The following IMMP2L variants were observed in gnomAD, a reference collection of about 807,000 sequenced individuals.
The protein encoded by IMMP2L is mitochondrial inner membrane protease subunit 2.
In IMMP2L, 18 loss-of-function variants were observed where a neutral mutation model predicts 19.3. The ratio of observed to expected loss-of-function variants is 0.93; its 90% CI spans 0.64 to 1.38. The LOEUF (loss-of-function observed/expected upper bound fraction) is 1.38. Ranked by LOEUF, IMMP2L falls within the 40% of genes most tolerant of loss-of-function variation. The pLI is 0.00. For synonymous variants in IMMP2L, 76 were observed against 73.0 expected, an observed-to-expected ratio of 1.04 and a Z score of -0.21; for missense variants, 233 against 218.2, an observed-to-expected ratio of 1.07 and a Z score of -0.43.
chr7:111,442,081 G>C (rs1479946133), intron 3 of IMMP2L, among the ~76,000 whole-genome samples: 1 of 151,668 alleles, frequency 6.6e-6, no homozygotes, highest in East Asian at 1.9e-4. Flanking sequence ...AGATTGCAGT[G>C]AGCAGAGATC....
rs10530563 is a variant in IMMP2L, at chr7:111,228,966, CGTGTGTGTGT to C, written c.239+258262_239+258271del. Among the ~76,000 whole-genome samples, 654 of 144,030 alleles carry C rather than the reference CGTGTGTGTGT, an allele frequency of 4.5e-3. 7 individuals carry two copies. The highest frequency in any genetic ancestry group is 0.014 in the African/African-American group (553 of 39,192). 94.5% of individuals were successfully genotyped at this position (144,030 alleles called of 152,430 possible). A position where few individuals can be genotyped will look rare whatever the true frequency, so the allele number is the denominator to read the frequency against. ...GGTAATTCAATAAACACTAGCAATG[CGTGTGTGTGT>C]GTGTGTGTGTGTGTGTGTGTGTGTG... On this transcript the variant is annotated intron_variant, in intron 3 of 5. Transcript: ENST00000405709.
At chr7:110,888,936 G>A (rs1810500979) in intron 4 of IMMP2L, among the ~76,000 whole-genome samples, 1 of 152,166 alleles carries the variant, frequency 6.6e-6, no homozygotes, top group Admixed American at 6.5e-5. Flanking sequence ...ATGACCAAAT[G>A]AATGAATATC....
chr7:111,241,544 C>T (rs981449432), intron 3 of IMMP2L, among the ~76,000 whole-genome samples: 2 of 151,872 alleles, frequency 1.3e-5, no homozygotes, highest in African/African-American at 4.8e-5. Flanking sequence ...GACAACCCTA[C>T]ACATGAAATG....
rs114279446 is a variant in IMMP2L, at chr7:111,076,091, A to G, written c.240-112526T>C. ...AGGAAAAAAAAGTTTGGTTCTTCAAATAGCCCCCCTCATGATATTGGTGGG... is the reference window on the plus strand; with the variant it reads ...AGGAAAAAAAAGTTTGGTTCTTCAAGTAGCCCCCCTCATGATATTGGTGGG... On this transcript the variant is annotated intron_variant, in intron 3 of 5. Coordinates refer to ENST00000405709, the MANE Select transcript of IMMP2L (RefSeq NM_032549.4). 5.5e-3 allele frequency among the ~76,000 whole-genome samples: 835 copies of G among 152,222 alleles called. 10 individuals carry two copies. The highest frequency in any genetic ancestry group is 0.019 in the African/African-American group (769 of 41,540).
At chr7:111,111,663 C>A (rs1348649745) in intron 3 of IMMP2L, among the ~76,000 whole-genome samples, 1 of 151,938 alleles carries the variant, frequency 6.6e-6, no homozygotes, top group Admixed American at 6.6e-5. Flanking sequence ...TAATGTCCCC[C>A]CCTGCGTCAA....
chr7:110,833,451 AAAAAAG>A (rs753456048), intron 5 of IMMP2L, among the ~76,000 whole-genome samples: 6,877 of 150,888 alleles, frequency 0.046, 252 homozygotes, highest in Non-Finnish European at 0.073. Flanking sequence ...AAAAAAAAAA[AAAAAAG>A]AGAGAGAGAG....
intron 1 of IMMP2L, among the ~76,000 whole-genome samples, chr7:111,534,302 A>G (rs1242315848): frequency 1.3e-5 from 2 of 151,102 alleles, no homozygotes; most frequent in Non-Finnish European, 2.9e-5. Flanking sequence ...ACATGCATAC[A>G]GTAGAGTAAT....
At chr7:111,501,506 C>T (rs1228484933) in intron 2 of IMMP2L, among the ~76,000 whole-genome samples, 1 of 152,084 alleles carries the variant, frequency 6.6e-6, no homozygotes, top group African/African-American at 2.4e-5. Flanking sequence ...AGAGCAACTC[C>T]AAGACACATA....
chr7:111,503,514 C>CA (rs1383678459), intron 2 of IMMP2L, among the ~76,000 whole-genome samples: 1 of 151,786 alleles, frequency 6.6e-6, no homozygotes, highest in Non-Finnish European at 1.5e-5. Flanking sequence ...AGAGACACAA[C>CA]AAAAAAAGAG....
intron 3 of IMMP2L, among the ~76,000 whole-genome samples, chr7:111,307,494 T>C (rs1219314615): frequency 6.6e-6 from 1 of 151,796 alleles, no homozygotes; most frequent in Non-Finnish European, 1.5e-5. Context: ...TACCTCGCAG[T>C]AGGTAAAAAT....
chr7:111,331,171 C>T (rs1195383497), intron 3 of IMMP2L, among the ~76,000 whole-genome samples: 2 of 151,890 alleles, frequency 1.3e-5, no homozygotes, highest in African/African-American at 4.8e-5. Flanking sequence ...GTTATGGAAT[C>T]AACCTAAGTG....
intron 5 of IMMP2L, among the ~76,000 whole-genome samples, chr7:110,852,429 T>C (rs908857118): frequency 1.3e-5 from 2 of 151,986 alleles, no homozygotes; most frequent in African/African-American, 2.4e-5. Flanking sequence ...CAGGGCAACA[T>C]GATGGCCAGA....
At chr7:111,380,636 A>G (rs1362570923) in intron 3 of IMMP2L, among the ~76,000 whole-genome samples, 4 of 152,032 alleles carry the variant, frequency 2.6e-5, no homozygotes, top group Non-Finnish European at 5.9e-5. Flanking sequence ...GAAATACCCA[A>G]TTAGGTTTTC....
chr7:111,263,121 G>A (rs1374289584), intron 3 of IMMP2L, among the ~76,000 whole-genome samples: 5 of 151,994 alleles, frequency 3.3e-5, no homozygotes, highest in Admixed American at 6.6e-5. Flanking sequence ...TGAGAGAGGC[G>A]GGAAAATATT....
chr7:110,903,776 CTTTTT>C (rs796373597), intron 4 of IMMP2L, among the ~76,000 whole-genome samples: 1 of 145,912 alleles, frequency 6.9e-6, no homozygotes, highest in Non-Finnish European at 1.5e-5. Context: ...TCTGTTTTCA[CTTTTT>C]TTTTTTGTAG....
At chr7:111,535,251 T>C (rs992548978) in intron 1 of IMMP2L, among the ~76,000 whole-genome samples, 1 of 149,790 alleles carries the variant, frequency 6.7e-6, no homozygotes, top group Non-Finnish European at 1.5e-5. Context: ...TGCAGTAAGG[T>C]AGAGAAATGT....
rs555292974 is a variant in IMMP2L, at chr7:110,769,080, T to C, written c.409-105359A>G. ...GGTACGTTTTTGCCTGATAGCACAATTTCATATATTCCTCTGGTCCAGTCT... is the reference window on the plus strand; with the variant it reads ...GGTACGTTTTTGCCTGATAGCACAACTTCATATATTCCTCTGGTCCAGTCT... On this transcript the variant is annotated intron_variant, in intron 5 of 5. Coordinates refer to ENST00000405709, the MANE Select transcript of IMMP2L (RefSeq NM_032549.4). Among the ~76,000 whole-genome samples the C allele has an allele frequency of 6.6e-5, 10 of 152,324 alleles. No individual in the cohort carries two copies. The South Asian group carries it at 1.7e-3, about 25-fold the overall frequency.
At chr7:111,548,253 A>C (rs1849120569) in intron 1 of IMMP2L, among the ~76,000 whole-genome samples, 1 of 152,168 alleles carries the variant, frequency 6.6e-6, no homozygotes, top group Non-Finnish European at 1.5e-5. Flanking sequence ...CATTCAAAAA[A>C]TAAAGTTTGT....
chr7:111,058,770 C>G (rs1340400391), intron 3 of IMMP2L, among the ~76,000 whole-genome samples: 1 of 152,104 alleles, frequency 6.6e-6, no homozygotes, highest in African/African-American at 2.4e-5. Context: ...AAACACCCAC[C>G]CCCAACAAAT....
Sources: gnomAD v4.1 joint callset for allele counts (sites outside exome capture counted in the v4.1 genomes callset) on GRCh38, gnomAD v4.1.1 for gene constraint, MANE v1.5 for transcripts, NCBI Gene and HGNC (gene_info 2026-07-23, HGNC 2026-07-21) for gene names.